SMARCB1: variants seen among roughly 807,000 people sequenced by gnomAD.
The protein encoded by SMARCB1 is SWI/SNF-related matrix-associated actin-dependent regulator of chromatin subfamily B member 1.
In SMARCB1, 5 loss-of-function variants were observed where a neutral mutation model predicts 49.0. That is an observed-to-expected ratio of 0.10 (90% confidence interval 0.05 to 0.21). The LOEUF (loss-of-function observed/expected upper bound fraction) is 0.21, where lower values mean the gene tolerates loss of function less well. SMARCB1 is among the 10% of genes least tolerant of loss of function. SMARCB1 has a pLI of 1.00. For missense variants in SMARCB1, 226 were observed against 509.2 expected (o/e 0.44, Z 5.35); for synonymous variants, 201 against 200.1 (o/e 1.00, Z -0.04).
At chr22:23,800,199 AGCCACTGCACCTGGT>A (rs1161843307) in intron 3 of SMARCB1, among the ~76,000 whole-genome samples, 1 of 152,240 alleles carries the variant, frequency 6.6e-6, no homozygotes, top group Non-Finnish European at 1.5e-5. Context: ...TACAGGCATG[AGCCACTGCACCTGGT>A]GCTTTTGGTA....
At chr22:23,818,137 GGTGTGTGTGT>G (rs60463265) in intron 6 of SMARCB1, 21,503 of 132,716 alleles carry the variant, frequency 0.16, 1,913 homozygotes, top group East Asian at 0.33. Flanking sequence ...AAATACTTTG[GGTGTGTGTGT>G]GTGTGTGTGT....
At chr22:23,789,230 G>A (rs1448292823) in intron 1 of SMARCB1, among the ~76,000 whole-genome samples, 1 of 152,216 alleles carries the variant, frequency 6.6e-6, no homozygotes, top group Non-Finnish European at 1.5e-5. Flanking sequence ...GTTCAAAGAT[G>A]CCAGTGCTGG....
At chr22:23,833,834 C>T in intron 8 of SMARCB1, 131 bp downstream of exon 8, 1 of 1,085,120 alleles carries the variant, frequency 9.2e-7, no homozygotes, top group Non-Finnish European at 1.4e-6. Flanking sequence ...TAGAGGCAGG[C>T]AGGCTTCTGG....
Position 23,834,152 on chromosome 22 carries a change from G to A in SMARCB1, c.1130G>A (p.Arg377His), listed in dbSNP as rs387906812. The change falls in exon 9 of 9, where the codon CGT becomes CAT. Residue 377 changes from arginine (R) to histidine (H), a missense_variant. By Grantham distance (29) the Arg-to-His change is conservative. Transcript: ENST00000644036. ...CACTCCTCTTCCAGGCGGATGAGGC[G>A]TCTTGCCAACACGGCCCCGGCCTGG... ...DQDRNTRRMR[R>H]LANTAPAW 1.3e-6 allele frequency: 2 copies of A among 1,593,918 alleles called. No homozygotes were observed. The highest frequency in any genetic ancestry group is 1.7e-6 in the Non-Finnish European group (2 of 1,170,660).
chr22:23,797,963 G>T (rs1331823360), intron 3 of SMARCB1, among the ~76,000 whole-genome samples: 1 of 152,132 alleles, frequency 6.6e-6, no homozygotes, highest in Non-Finnish European at 1.5e-5. Context: ...TCTGTGTATG[G>T]CTGAGCATGT....
At chr22:23,810,263 C>G (rs1929783419) in intron 5 of SMARCB1, among the ~76,000 whole-genome samples, 1 of 142,082 alleles carries the variant, frequency 7.0e-6, no homozygotes, top group South Asian at 2.3e-4. Context: ...ATGGTGGCTC[C>G]CACCTGTAAT....
chr22:23,808,802 G>T (rs1929681661), intron 5 of SMARCB1, among the ~76,000 whole-genome samples: 1 of 150,974 alleles, frequency 6.6e-6, no homozygotes, highest in Admixed American at 6.6e-5. Context: ...GGGTTCAAGT[G>T]ATTCTCCTGC....
intron 1 of SMARCB1, 116 bp from the exon 2 acceptor site, chr22:23,791,640 G>T (rs754914872): frequency 3.1e-6 from 3 of 981,140 alleles, no homozygotes; most frequent in Non-Finnish European, 4.9e-6. Flanking sequence ...AAAGCGTGGC[G>T]CCTGGGGGCC....
At chr22:23,806,936 A>G (rs987665628) in intron 5 of SMARCB1, among the ~76,000 whole-genome samples, 1 of 151,794 alleles carries the variant, frequency 6.6e-6, no homozygotes, top group African/African-American at 2.4e-5. Flanking sequence ...AAAAAAAAAA[A>G]AAAAGGAATC....
intron 6 of SMARCB1, chr22:23,818,199 G>C (rs1488673352): frequency 2.7e-5 from 4 of 147,938 alleles, no homozygotes; most frequent in Non-Finnish European, 4.4e-5. Context: ...TGTCGCCCAG[G>C]CTGGCTTGCA....
Position 23,836,237 on chromosome 22 carries a change from T to C in SMARCB1, c.*2057T>C. On this transcript the variant is annotated 3_prime_UTR_variant, in exon 9 of 9. Coordinates refer to ENST00000644036, the MANE Select transcript of SMARCB1 (RefSeq NM_003073.5). ...AGGGCAGAAGACCTAGTCCTGGCCCTCTTCTGCACCTGAATCCATGGGGCT... is the reference window on the plus strand; with the variant it reads ...AGGGCAGAAGACCTAGTCCTGGCCCCCTTCTGCACCTGAATCCATGGGGCT... 1.0e-6 allele frequency: 1 copy of C among 985,482 alleles called. No homozygotes were observed. Among genetic ancestry groups the C allele is most frequent in the Non-Finnish European group, 1.2e-6 (1 of 829,946 alleles). 61.0% of individuals were successfully genotyped at this position (985,482 alleles called of 1,614,324 possible). A position where few individuals can be genotyped will look rare whatever the true frequency, so the allele number is the denominator to read the frequency against.
chr22:23,832,670 G>C (rs777273503), intron 7 of SMARCB1, among the ~76,000 whole-genome samples: 2 of 149,296 alleles, frequency 1.3e-5, no homozygotes, highest in Non-Finnish European at 3.0e-5. Flanking sequence ...AGAGGTGGGG[G>C]TGACGGGACC....
At position 23,810,527 on chromosome 22, in the gene SMARCB1, C is replaced by CAAAA. The variant is rs201408640; in HGVS notation, c.629-6226_629-6223dup. ...TGGGCAACAGAGCAAGACTCTGTCTCAAAAAAAAAAAAAAAAAAAAGAAAG... is the reference window on the plus strand; with the variant it reads ...TGGGCAACAGAGCAAGACTCTGTCTCAAAAAAAAAAAAAAAAAAAAAAAAGAAAG... On this transcript the variant is annotated intron_variant, in intron 5 of 8. Transcript: ENST00000644036. Among the ~76,000 whole-genome samples, 115 of 78,916 alleles carry CAAAA rather than the reference C, an allele frequency of 1.5e-3. 2 individuals are homozygous for CAAAA. The highest frequency in any genetic ancestry group is 3.2e-3 in the East Asian group (8 of 2,478). 51.8% of individuals were successfully genotyped at this position (78,916 alleles called of 152,430 possible).
chr22:23,829,181 G>T (rs1422762740), intron 7 of SMARCB1, among the ~76,000 whole-genome samples: 1 of 152,212 alleles, frequency 6.6e-6, no homozygotes, highest in African/African-American at 2.4e-5. Flanking sequence ...AGGAGACAGT[G>T]CCCTGTCTGG....
chr22:23,837,441 T>G lies in SMARCB1; in HGVS notation c.*3261T>G. 1.5e-6 allele frequency: 1 copy of G among 650,282 alleles called. No individual in the cohort carries two copies. The highest frequency in any genetic ancestry group is 2.0e-5 in the South Asian group (1 of 51,252). The allele number at this position is 650,282 out of a possible 1,614,324, so 40.3% of individuals were successfully genotyped here. ...CCCATCCTCACTCCCATCAGGACCG[T>G]GCAAGCATCAGTAGATCCGTCCTGA... On this transcript the variant is annotated 3_prime_UTR_variant, in exon 9 of 9. Transcript: ENST00000644036.
chr22:23,823,457 G>C (rs1332511043), intron 6 of SMARCB1: 2 of 152,272 alleles, frequency 1.3e-5, no homozygotes, highest in Non-Finnish European at 2.9e-5. Context: ...GGACATGGGG[G>C]CCCGACTGCA....
Position 23,787,385 on chromosome 22 carries a change from G to T in SMARCB1, c.93+123G>T, listed in dbSNP as rs529380801. 0.017 allele frequency: 7,970 copies of T among 477,812 alleles called. 279 individuals are homozygous for T. Among genetic ancestry groups the T allele is most frequent in the South Asian group, 0.11 (3,293 of 29,446 alleles). The allele number at this position is 477,812 out of a possible 1,614,324, so 29.6% of individuals were successfully genotyped here. ...CGGGCGGGCGCGCGCGCGCGCGCTC[G>T]GGGCTGTGGGGCGTGGCCTAGTGGG... On this transcript the variant is annotated intron_variant, in intron 1 of 8. Transcript: ENST00000644036.
intron 7 of SMARCB1, among the ~76,000 whole-genome samples, chr22:23,831,582 G>A (rs994603455): frequency 2.6e-5 from 4 of 152,166 alleles, no homozygotes; most frequent in Non-Finnish European, 5.9e-5. Context: ...CTCTAGGCCC[G>A]TTCTTACATG....
intron 5 of SMARCB1, among the ~76,000 whole-genome samples, chr22:23,813,791 G>A (rs1170928043): frequency 6.6e-6 from 1 of 151,978 alleles, no homozygotes; most frequent in African/African-American, 2.4e-5. Context: ...TATATGGAAA[G>A]GCAAAGAAAC....
Sources: allele counts gnomAD v4.1 joint callset (sites outside exome capture counted in the v4.1 genomes callset), GRCh38; gene constraint gnomAD v4.1.1; transcripts MANE v1.5; gene names NCBI Gene and HGNC (gene_info 2026-07-23, HGNC 2026-07-21).